The following AFF2 variants were observed in gnomAD, a reference collection of about 807,000 sequenced individuals.
AFF2 encodes ALF transcription elongation factor 2.
In AFF2, 14 loss-of-function variants were observed where a neutral mutation model predicts 76.9. The ratio of observed to expected loss-of-function variants is 0.18; its 90% confidence interval spans 0.12 to 0.28. The LOEUF is 0.28. Ranked by LOEUF, AFF2 falls within the 10% of genes least tolerant of loss-of-function variation. AFF2 has a pLI of 1.00. For missense variants in AFF2, 868 were observed against 1,001.1 expected (o/e 0.87, Z 1.79); for synonymous variants, 398 against 366.7 (o/e 1.09, Z -0.98).
intron 3 of AFF2, among the ~76,000 whole-genome samples, chrX:148,786,829 G>A (rs2069827333): frequency 9.0e-6 from 1 of 111,574 alleles, no homozygotes; most frequent in African/African-American, 3.3e-5. Flanking sequence ...GTCCAGTACA[G>A]TGCCTGGACT....
In AFF2 at chrX:148,809,869, G is replaced by C; in HGVS notation, c.1042-7G>C. On this transcript the variant is annotated splice_region_variant and splice_polypyrimidine_tract_variant and intron_variant, in intron 3 of 20. Transcript: ENST00000370460. ...GTGCCTAATGTTTTCTGTTTATTTTGTTTCAGGTAAGCCTTCCCAGTGATC... is the reference window on the plus strand; with the variant it reads ...GTGCCTAATGTTTTCTGTTTATTTTCTTTCAGGTAAGCCTTCCCAGTGATC... 2 of 1,209,635 alleles carry C rather than the reference G, an allele frequency of 1.7e-6. No individual in the cohort carries two copies. The highest frequency in any genetic ancestry group is 1.1e-6 in the Non-Finnish European group (1 of 893,971).
chrX:148,991,135 A>G, intron 20 of AFF2, 76 bp from the exon 21 acceptor site: 1 of 1,026,104 alleles, frequency 9.7e-7, no homozygotes, highest in Non-Finnish European at 1.3e-6. Context: ...GTGTTGTGTG[A>G]AAGCAGCTTC....
intron 3 of AFF2, among the ~76,000 whole-genome samples, chrX:148,690,931 G>T (rs2054644819): frequency 9.0e-6 from 1 of 111,544 alleles, no homozygotes; most frequent in African/African-American, 3.3e-5. Flanking sequence ...TCTTCATGTG[G>T]TCTTCCCCTG....
chrX:148,934,093 C>T (rs1439081518), intron 9 of AFF2, among the ~76,000 whole-genome samples: 2 of 112,831 alleles, frequency 1.8e-5, no homozygotes, highest in Non-Finnish European at 3.7e-5. Flanking sequence ...ACAGCATTCA[C>T]ACACATCAAG....
intron 3 of AFF2, among the ~76,000 whole-genome samples, chrX:148,689,643 G>A (rs781786924): frequency 8.9e-6 from 1 of 111,827 alleles, no homozygotes; most frequent in African/African-American, 3.2e-5. Flanking sequence ...TTGAACAGAT[G>A]TCTTTTGGTA....
At chrX:148,639,927 G>A (rs188883478) in intron 1 of AFF2, among the ~76,000 whole-genome samples, 1 of 110,872 alleles carries the variant, frequency 9.0e-6, no homozygotes, top group Non-Finnish European at 1.9e-5. Context: ...ACCTTAAGTA[G>A]TACTAAAGAT....
intron 16 of AFF2, among the ~76,000 whole-genome samples, chrX:148,975,780 T>TA (rs2072314308): frequency 9.9e-6 from 1 of 100,592 alleles, no homozygotes; most frequent in Admixed American, 1.1e-4. Flanking sequence ...CCGTCTCTAC[T>TA]AAAAATACAA....
chrX:148,603,990 C>T (rs2124391760), intron 1 of AFF2, among the ~76,000 whole-genome samples: 1 of 111,087 alleles, frequency 9.0e-6, no homozygotes, highest in Non-Finnish European at 1.9e-5. Context: ...AGTTTCATTA[C>T]TTACTTTTCA....
At position 148,987,397 on chromosome X, in the gene AFF2, C is replaced by A. The variant is rs370206293; in HGVS notation, c.3654C>A (p.Asn1218Lys). The A allele has an allele frequency of 8.3e-7, 1 of 1,210,408 alleles. No individual in the cohort carries two copies. ...KNTPSPVSLN[N>K]VSPINAMGNC... ...CTCCATCCCCAGTGTCTCTCAACAA[C>A]GTCTCCCCCATCAACGCAATGGGGA... The change falls in exon 20 of 21, where the codon AAC (asparagine) becomes AAA (lysine). Residue 1218 changes from asparagine to lysine, a missense_variant. Physicochemically the swap from Asn to Lys is moderately conservative, Grantham distance 94. Transcript: ENST00000370460.
chrX:148,866,980 G>A (rs139693717), intron 7 of AFF2, among the ~76,000 whole-genome samples: 120 of 112,096 alleles, frequency 1.1e-3, no homozygotes, highest in African/African-American at 3.0e-3. Flanking sequence ...CATCAACAAC[G>A]CACATGTGGT....
At chrX:148,536,418 G>A (rs1557236598) in intron 1 of AFF2, among the ~76,000 whole-genome samples, 3 of 111,032 alleles carry the variant, frequency 2.7e-5, no homozygotes, top group African/African-American at 9.8e-5. Context: ...AGTCCCCTCA[G>A]CATTGCTGAC....
intron 16 of AFF2, among the ~76,000 whole-genome samples, chrX:148,973,900 G>A (rs2108983): frequency 0.57 from 62,809 of 110,768 alleles, 15,048 homozygotes; most frequent in East Asian, 0.88. Context: ...TCATTTTACC[G>A]TTTAGCATTG....
chrX:148,528,245 C>T (rs2052687117), intron 1 of AFF2, among the ~76,000 whole-genome samples: 1 of 111,849 alleles, frequency 8.9e-6, no homozygotes. Flanking sequence ...ATTTGATTTG[C>T]CCTTACAGCT....
chrX:148,843,595 T>C (rs1203035038), intron 7 of AFF2, among the ~76,000 whole-genome samples, 162 bp downstream of exon 7: 1 of 111,356 alleles, frequency 9.0e-6, no homozygotes, highest in Non-Finnish European at 1.9e-5. Context: ...GAATCAAATT[T>C]CCCATTGTCT....
intron 16 of AFF2, among the ~76,000 whole-genome samples, chrX:148,976,443 T>C (rs1460070685): frequency 1.8e-5 from 2 of 112,373 alleles, no homozygotes; most frequent in African/African-American, 6.5e-5. Flanking sequence ...TTTCTGTAAA[T>C]TACATGTGTG....
intron 3 of AFF2, among the ~76,000 whole-genome samples, chrX:148,761,028 A>G (rs2069433268): frequency 8.9e-6 from 1 of 111,913 alleles, no homozygotes. Flanking sequence ...AAGCAGTCTT[A>G]CATTTAAGAA....
In AFF2 at chrX:148,973,606, A is replaced by G; in HGVS notation, c.3403A>G (p.Arg1135Gly). Residue 1135 changes from arginine (R) to glycine (G), a missense_variant and splice_region_variant, in exon 16 of 21, where the codon AGG (arginine) becomes GGG (glycine). Arg to Gly is a moderately radical substitution (Grantham distance 125). Around this residue, in one of 6 missense-constraint regions of AFF2, gnomAD observed 57 missense variants for 117.8 expected, o/e 0.48. Transcript: ENST00000370460. ...GTACTCTGAGACTGTGGAGCTCCTC[A>G]GGTGAATAGCCTTTCTGCAATCATC... ...TMYSETVELL[R>G]YAMRLKNFAS... 1 of 1,203,754 alleles carries G rather than the reference A, an allele frequency of 8.3e-7. No homozygotes were observed. Among genetic ancestry groups the G allele is most frequent in the Non-Finnish European group, 1.1e-6 (1 of 889,498 alleles).
intron 1 of AFF2, among the ~76,000 whole-genome samples, chrX:148,537,764 A>G (rs2052802167): frequency 9.0e-6 from 1 of 111,152 alleles, no homozygotes; most frequent in African/African-American, 3.3e-5. Context: ...TTGGGAGGTC[A>G]GGATAATGAT....
intron 1 of AFF2, among the ~76,000 whole-genome samples, chrX:148,643,568 G>T (rs1227452389): frequency 8.9e-6 from 1 of 111,840 alleles, no homozygotes; most frequent in Non-Finnish European, 1.9e-5. Context: ...CTATAAAAAT[G>T]GAAATCAGAC....
Sources: allele counts gnomAD v4.1 joint callset (sites outside exome capture counted in the v4.1 genomes callset), GRCh38; gene constraint gnomAD v4.1.1; regional missense constraint gnomAD v4.1.1; transcripts MANE v1.5; gene names NCBI Gene and HGNC (gene_info 2026-07-23, HGNC 2026-07-21).